Variants in TBC1D32 observed in about 807,000 individuals in gnomAD.
The protein encoded by TBC1D32 is protein broad-minded.
Under a neutral mutation model 170.3 loss-of-function variants are expected in TBC1D32, and 151 were observed. The observed-to-expected ratio is 0.89, with a 90% CI of 0.78 to 1.01. TBC1D32 has a LOEUF of 1.01. TBC1D32 is among the 50% of genes least tolerant of loss of function. TBC1D32 has a pLI of 0.00. For synonymous variants in TBC1D32, 498 were observed against 488.0 expected, an observed-to-expected ratio of 1.02 and a Z score of -0.27; for missense variants, 1,464 against 1,457.1, an observed-to-expected ratio of 1.00 and a Z score of -0.08.
At chr6:121,278,954 C>T (rs1802624688) in intron 15 of TBC1D32, among the ~76,000 whole-genome samples, 167 bp downstream of exon 15, 1 of 152,016 alleles carries the variant, frequency 6.6e-6, no homozygotes, top group Admixed American at 6.6e-5. Context: ...CGAGAGTGAA[C>T]TCTCCTATTC....
At position 121,334,381 on chromosome 6, in the gene TBC1D32, CTCAGCATCGCCT is replaced by C. The variant is rs750714009; in HGVS notation, c.38_49del (p.Gln13_Leu16del). Reference sequence around the variant, plus strand: ...CTCCTTCACGCTCTGGAACAACCGCCTCAGCATCGCCTGCAGCATCGCCTGGTCCTCGCTGGA... The same window carrying C: ...CTCCTTCACGCTCTGGAACAACCGCCGCAGCATCGCCTGGTCCTCGCTGGA... On this transcript the variant is annotated inframe_deletion, in exon 1 of 32. Coordinates refer to ENST00000398212, the MANE Select transcript of TBC1D32 (RefSeq NM_152730.6). 8 of 1,614,228 alleles carry C rather than the reference CTCAGCATCGCCT, an allele frequency of 5.0e-6. No homozygotes were observed. In the African/African-American group the frequency reaches 9.3e-5, roughly 19 times the overall value.
At chr6:121,256,875 T>C (rs562872032) in intron 15 of TBC1D32, among the ~76,000 whole-genome samples, 44 of 152,178 alleles carry the variant, frequency 2.9e-4, no homozygotes, top group African/African-American at 9.4e-4. Flanking sequence ...TTTCACCATA[T>C]TGGCCAGACT....
intron 22 of TBC1D32, among the ~76,000 whole-genome samples, chr6:121,168,470 C>A (rs1293536169): frequency 2.6e-5 from 2 of 76,764 alleles, no homozygotes; most frequent in African/African-American, 7.8e-5. Context: ...GAACAAAAAA[C>A]CAAACACCAC....
intron 15 of TBC1D32, among the ~76,000 whole-genome samples, chr6:121,278,155 G>A (rs959359371): frequency 6.6e-6 from 1 of 151,982 alleles, no homozygotes; most frequent in Non-Finnish European, 1.5e-5. Context: ...GCTAAAATTG[G>A]TTTGCTGGTG....
At chr6:121,143,295 C>T (rs1281784145) in intron 24 of TBC1D32, among the ~76,000 whole-genome samples, 1 of 151,946 alleles carries the variant, frequency 6.6e-6, no homozygotes, top group Non-Finnish European at 1.5e-5. Context: ...ATGTATAGAT[C>T]AATAGCTTTT....
intron 22 of TBC1D32, among the ~76,000 whole-genome samples, chr6:121,179,166 G>A (rs573672326): frequency 2.4e-4 from 37 of 151,750 alleles, no homozygotes; most frequent in African/African-American, 8.7e-4. Context: ...AAATGGCAGG[G>A]GGGATACATA....
chr6:121,221,644 T>C (rs190838103), intron 21 of TBC1D32, among the ~76,000 whole-genome samples: 4 of 152,288 alleles, frequency 2.6e-5, no homozygotes, highest in Admixed American at 2.6e-4. Context: ...AGTACTTCAG[T>C]AGAACAAGTA....
chr6:121,332,195 T>C (rs1249194669), intron 1 of TBC1D32, among the ~76,000 whole-genome samples: 1 of 152,078 alleles, frequency 6.6e-6, no homozygotes, highest in Non-Finnish European at 1.5e-5. Context: ...AAAGCAATAA[T>C]TATAGGCAAA....
At chr6:121,085,143 T>C (rs1452108209) in intron 31 of TBC1D32, among the ~76,000 whole-genome samples, 1 of 150,674 alleles carries the variant, frequency 6.6e-6, no homozygotes, top group African/African-American at 2.4e-5. Context: ...GATTTATGAA[T>C]ATAGTTCTGC....
intron 25 of TBC1D32, among the ~76,000 whole-genome samples, chr6:121,127,680 C>T (rs2128213764): frequency 6.6e-6 from 1 of 152,138 alleles, no homozygotes; most frequent in South Asian, 2.1e-4. Flanking sequence ...TCACTTAATA[C>T]TGTCTCGAGA....
At chr6:121,266,012 A>G (rs1177976418) in intron 15 of TBC1D32, among the ~76,000 whole-genome samples, 2 of 152,136 alleles carry the variant, frequency 1.3e-5, no homozygotes, top group Non-Finnish European at 2.9e-5. Context: ...CATGGGCATG[A>G]GCAAAGATTT....
intron 16 of TBC1D32, 26 bp downstream of exon 16, chr6:121,256,058 A>T (rs1372430230): frequency 6.3e-7 from 1 of 1,589,136 alleles, no homozygotes; most frequent in Admixed American, 1.8e-5. Context: ...TTGCAGGGAG[A>T]AAAAACGAAG....
chr6:121,265,749 T>C (rs773882550), intron 15 of TBC1D32, among the ~76,000 whole-genome samples: 18 of 151,960 alleles, frequency 1.2e-4, no homozygotes, highest in Non-Finnish European at 2.4e-4. Context: ...TGGAAAAGAA[T>C]AGAGGCCTCA....
At chr6:121,251,209 A>C (rs1020655826) in intron 17 of TBC1D32, among the ~76,000 whole-genome samples, 1 of 152,156 alleles carries the variant, frequency 6.6e-6, no homozygotes, top group African/African-American at 2.4e-5. Flanking sequence ...CTTTCCTCAT[A>C]GAATTAAAAA....
chr6:121,320,467 C>G (rs971678950), intron 2 of TBC1D32, among the ~76,000 whole-genome samples: 6 of 151,938 alleles, frequency 3.9e-5, no homozygotes, highest in African/African-American at 1.4e-4. Context: ...TTTCATTAAC[C>G]GTCTAATAAA....
At chr6:121,305,675 C>T (rs1420770302) in intron 5 of TBC1D32, among the ~76,000 whole-genome samples, 2 of 152,052 alleles carry the variant, frequency 1.3e-5, no homozygotes. Flanking sequence ...TTTGGGAAGT[C>T]TATTTTTATA....
intron 29 of TBC1D32, among the ~76,000 whole-genome samples, chr6:121,111,348 T>C (rs1779189317): frequency 6.6e-6 from 1 of 152,220 alleles, no homozygotes; most frequent in African/African-American, 2.4e-5. Context: ...ACTAGTGGAA[T>C]GTAGACATTA....
In TBC1D32 at chr6:121,082,505, T is replaced by C. The variant is rs79399472; in HGVS notation, c.3655-1615A>G. ...CTAAGATGGGGAGGGATTATGGTAA[T>C]GTCTTATTCTAACCAGAGACTAAAG... On this transcript the variant is annotated intron_variant, in intron 31 of 31. Transcript: ENST00000398212. Among the ~76,000 whole-genome samples the C allele has an allele frequency of 7.6e-3, 1,156 of 152,088 alleles. 18 individuals carry two copies. The highest frequency in any genetic ancestry group is 0.027 in the African/African-American group (1,108 of 41,524).
intron 21 of TBC1D32, among the ~76,000 whole-genome samples, chr6:121,208,841 G>C (rs1337597605): frequency 6.6e-6 from 1 of 151,828 alleles, no homozygotes; most frequent in Non-Finnish European, 1.5e-5. Flanking sequence ...TTCAGAATTG[G>C]GAAAGAATAA....
Sources: allele counts gnomAD v4.1 joint callset (sites outside exome capture counted in the v4.1 genomes callset), GRCh38; gene constraint gnomAD v4.1.1; transcripts MANE v1.5; gene names NCBI Gene and HGNC (gene_info 2026-07-23, HGNC 2026-07-21).